The following TYW1 variants were observed in gnomAD, a reference collection of about 807,000 sequenced individuals.
The protein encoded by TYW1 is S-adenosyl-L-methionine-dependent tRNA 4-demethylwyosine synthase TYW1.
TYW1 carries 46 observed loss-of-function variants against 96.2 expected under a neutral mutation model. That is an observed-to-expected ratio of 0.48 (90% CI 0.38 to 0.61). The LOEUF (loss-of-function observed/expected upper bound fraction) is 0.61, where lower values mean the gene tolerates loss of function less well. Ranked by LOEUF, TYW1 falls within the 20% of genes least tolerant of loss-of-function variation. The pLI, the probability that TYW1 is intolerant of heterozygous loss-of-function variation, is 0.00. For synonymous variants in TYW1, 274 were observed against 323.0 expected, an observed-to-expected ratio of 0.85 and a Z score of 1.63; for missense variants, 684 against 909.6, an observed-to-expected ratio of 0.75 and a Z score of 3.19.
chr7:67,158,082 ATTTTTTT>A lies in TYW1; in HGVS notation c.1699-25026_1699-25020del, dbSNP rs560215948. Among the ~76,000 whole-genome samples, 586 of 102,168 alleles carry A rather than the reference ATTTTTTT, an allele frequency of 5.7e-3. 6 individuals are homozygous for A. Among genetic ancestry groups the A allele is most frequent in the African/African-American group, 0.019 (511 of 26,848 alleles). The allele number at this position is 102,168 out of a possible 152,430, so 67.0% of individuals were successfully genotyped here. ...CCTCTTAATTCCTTGTTTGCTGAGG[ATTTTTTT>A]TTTTTTTTTTTTTTTTTGTGATGGA... is the stretch of plus-strand genomic sequence containing the variant. On this transcript the variant is annotated intron_variant, in intron 13 of 15. Transcript: ENST00000359626.
chr7:67,193,614 CT>C (rs1229774891), intron 14 of TYW1, among the ~76,000 whole-genome samples: 1 of 152,088 alleles, frequency 6.6e-6, no homozygotes, highest in Admixed American at 6.5e-5. Context: ...CAAAAATTAG[CT>C]GGGCGTGGTG....
At chr7:67,048,810 A>G (rs1417966894) in intron 7 of TYW1, among the ~76,000 whole-genome samples, 1 of 152,210 alleles carries the variant, frequency 6.6e-6, no homozygotes, top group Non-Finnish European at 1.5e-5. Flanking sequence ...AGAAGTAGAC[A>G]TTGGCCAGCA....
At chr7:67,064,337 G>A (rs925195860) in intron 9 of TYW1, among the ~76,000 whole-genome samples, 1 of 152,180 alleles carries the variant, frequency 6.6e-6, no homozygotes, top group Non-Finnish European at 1.5e-5. Flanking sequence ...GGTACTACTG[G>A]TAGAGAGATA....
At chr7:67,052,459 T>C (rs1795386727) in intron 8 of TYW1, among the ~76,000 whole-genome samples, 1 of 152,236 alleles carries the variant, frequency 6.6e-6, no homozygotes, top group African/African-American at 2.4e-5. Context: ...TAATATGTTT[T>C]TCAACTTAGA....
intron 10 of TYW1, among the ~76,000 whole-genome samples, chr7:67,070,758 G>A (rs1329581797): frequency 1.3e-5 from 2 of 152,022 alleles, no homozygotes; most frequent in African/African-American, 4.8e-5. Context: ...GCCTCCTCAG[G>A]GAGAGTTTTT....
intron 13 of TYW1, among the ~76,000 whole-genome samples, chr7:67,133,914 CA>C (rs1476517310): frequency 6.6e-6 from 1 of 151,848 alleles, no homozygotes; most frequent in Non-Finnish European, 1.5e-5. Flanking sequence ...GGACTCCACT[CA>C]AATATCACCT....
chr7:67,220,495 G>A (rs1310212769), intron 15 of TYW1, among the ~76,000 whole-genome samples: 3 of 151,994 alleles, frequency 2.0e-5, no homozygotes, highest in African/African-American at 4.8e-5. Context: ...AAGCCACCAC[G>A]CCTGGCCTCA....
chr7:67,016,980 A>ATT lies in TYW1; in HGVS notation c.571-852_571-851dup, dbSNP rs35358824. On this transcript the variant is annotated intron_variant, in intron 5 of 15. Transcript: ENST00000359626. ...TGATTGGGAAAATTCAGATATGTAA[A>ATT]TTTTTTTTTTTTTTTTTTTTTTGAG... is the stretch of plus-strand genomic sequence containing the variant. Among the ~76,000 whole-genome samples the ATT allele has an allele frequency of 7.8e-3, 950 of 121,656 alleles. 9 individuals are homozygous for ATT. The highest frequency in any genetic ancestry group is 0.01 in the East Asian group (44 of 4,262). The allele number at this position is 121,656 out of a possible 152,430, so 79.8% of individuals were successfully genotyped here.
intron 13 of TYW1, among the ~76,000 whole-genome samples, chr7:67,168,946 A>G (rs1028717491): frequency 5.3e-5 from 8 of 152,040 alleles, no homozygotes; most frequent in African/African-American, 1.9e-4. Flanking sequence ...TCCTGACCTT[A>G]GGTGATCCGC....
In TYW1 at chr7:67,089,385, C is replaced by T. The variant is rs527782793; in HGVS notation, c.1384+5846C>T. 74 of 1,231,704 alleles carry T rather than the reference C, an allele frequency of 6.0e-5. No individual in the cohort carries two copies. The East Asian group carries it at 1.5e-3, about 25-fold the overall frequency. The allele number at this position is 1,231,704 out of a possible 1,614,324, so 76.3% of individuals were successfully genotyped here. ...GGCTTAGGTATCCAGTGCAGGGCATCTGGTGGGGAGGCCTGCTGGTAAAGG... is the reference window on the plus strand; with the variant it reads ...GGCTTAGGTATCCAGTGCAGGGCATTTGGTGGGGAGGCCTGCTGGTAAAGG... On this transcript the variant is annotated intron_variant, in intron 11 of 15. Coordinates refer to ENST00000359626, the MANE Select transcript of TYW1 (RefSeq NM_018264.4).
intron 13 of TYW1, among the ~76,000 whole-genome samples, chr7:67,158,333 C>T (rs1009693908): frequency 1.5e-4 from 23 of 152,156 alleles, no homozygotes; most frequent in African/African-American, 2.4e-4. Flanking sequence ...GTGATCTGCC[C>T]GCCTTCGGCC....
chr7:67,017,690 G>A (rs1794072052), intron 5 of TYW1, among the ~76,000 whole-genome samples, 163 bp from the exon 6 acceptor site: 3 of 152,138 alleles, frequency 2.0e-5, no homozygotes, highest in Non-Finnish European at 4.4e-5. Context: ...CTGGGTCAAG[G>A]CTGGAGCTTG....
chr7:67,168,441 G>A (rs73140581), intron 13 of TYW1, among the ~76,000 whole-genome samples: 9,595 of 152,120 alleles, frequency 0.063, 414 homozygotes, highest in South Asian at 0.11. Context: ...AAGGAGAATA[G>A]GCCCTCTTTT....
rs200234600 is a variant in TYW1 at position 67,201,307 on chromosome 7, AAACAACAACAACAAC to A, written c.1977+5994_1977+6008del. The stretch of plus-strand genomic sequence containing the variant: ...AGAGTGAGACCCTCCTCCATTTCTA[AAACAACAACAACAAC>A]AACAACAACAACAACAACAACAAAC... On this transcript the variant is annotated intron_variant, in intron 15 of 15. Transcript: ENST00000359626. Among the ~76,000 whole-genome samples the A allele has an allele frequency of 1.0e-3, 117 of 113,698 alleles. 2 individuals carry two copies. The highest frequency in any genetic ancestry group is 1.5e-3 in the Non-Finnish European group (90 of 58,460). The allele number at this position is 113,698 out of a possible 152,430, so 74.6% of individuals were successfully genotyped here. A position where few individuals can be genotyped will look rare whatever the true frequency, so the allele number is the denominator to read the frequency against.
chr7:67,072,249 T>C (rs200739368), intron 10 of TYW1, among the ~76,000 whole-genome samples: 4 of 73,032 alleles, frequency 5.5e-5, no homozygotes, highest in African/African-American at 1.1e-4. Context: ...CTCTACCCAC[T>C]TTTTTTTTTT....
At chr7:67,228,813 G>A (rs1000673022) in intron 15 of TYW1, among the ~76,000 whole-genome samples, 2 of 152,202 alleles carry the variant, frequency 1.3e-5, no homozygotes, top group African/African-American at 4.8e-5. Context: ...CAGTGGCTGG[G>A]GGCCAGCCGA....
Position 67,107,353 on chromosome 7 carries a change from C to T in TYW1, c.1562+8635C>T, listed in dbSNP as rs141155385. ...CGACCCCCAGCCTATCTTGTTTGCACTAAACATATGAAGTTTAAAATCTAA... is the reference window on the plus strand; with the variant it reads ...CGACCCCCAGCCTATCTTGTTTGCATTAAACATATGAAGTTTAAAATCTAA... On this transcript the variant is annotated intron_variant, in intron 12 of 15. Coordinates refer to ENST00000359626, the MANE Select transcript of TYW1 (RefSeq NM_018264.4). 1.6e-3 allele frequency among the ~76,000 whole-genome samples: 251 copies of T among 152,260 alleles called. 1 individual carries two copies. Among genetic ancestry groups the T allele is most frequent in the African/African-American group, 5.8e-3 (243 of 41,542 alleles).
chr7:67,072,868 T>C (rs539056935), intron 10 of TYW1, among the ~76,000 whole-genome samples: 52 of 151,528 alleles, frequency 3.4e-4, no homozygotes, highest in African/African-American at 8.2e-4. Flanking sequence ...CATGGGCTCA[T>C]GTGATCCTCC....
In TYW1 at chr7:67,009,563, GT is replaced by G. The variant is rs749025291; in HGVS notation, c.274-12del. ...TGGCTCATTGAAGACTTTATTTGAT[GT>G]TTTTTTTGGTCCTATTAGGGATTCG... On this transcript the variant is annotated intron_variant, in intron 3 of 15. Coordinates refer to ENST00000359626, the MANE Select transcript of TYW1 (RefSeq NM_018264.4). 91 of 1,598,622 alleles carry G rather than the reference GT, an allele frequency of 5.7e-5. No homozygotes were observed. The highest frequency in any genetic ancestry group is 2.1e-4 in the Admixed American group (12 of 57,618).
Sources: allele counts gnomAD v4.1 joint callset (sites outside exome capture counted in the v4.1 genomes callset), GRCh38; gene constraint gnomAD v4.1.1; transcripts MANE v1.5; gene names NCBI Gene and HGNC (gene_info 2026-07-23, HGNC 2026-07-21).